RALYL: variants seen among roughly 807,000 people sequenced by gnomAD.
The protein encoded by RALYL is RNA-binding Raly-like protein.
RALYL carries 29 observed loss-of-function variants against 35.1 expected under a neutral mutation model. The ratio of observed to expected loss-of-function variants is 0.83; its 90% CI spans 0.61 to 1.13. The LOEUF (loss-of-function observed/expected upper bound fraction) is 1.13. Among genes scored for constraint, RALYL ranks in the 50% most tolerant of loss-of-function variants. RALYL has a pLI of 0.00. For synonymous variants in RALYL, 120 were observed against 127.6 expected (o/e 0.94, Z 0.40); for missense variants, 359 against 360.4 (o/e 1.00, Z 0.03).
Position 84,446,169 on chromosome 8 carries a change from G to A in RALYL, c.-23-83130G>A, listed in dbSNP as rs372800800. On this transcript the variant is annotated intron_variant, in intron 1 of 8. Coordinates refer to ENST00000521268, the MANE Select transcript of RALYL (RefSeq NM_173848.7). Reference sequence around the variant, plus strand: ...TGTGCTTATATTTCTCAAAATGCATGGTGCTCCTCTCTGTTTTTCTCTGCA... The same window carrying A: ...TGTGCTTATATTTCTCAAAATGCATAGTGCTCCTCTCTGTTTTTCTCTGCA... 8.6e-5 allele frequency among the ~76,000 whole-genome samples: 13 copies of A among 152,012 alleles called. No individual in the cohort carries two copies. The East Asian group carries it at 1.6e-3, about 18-fold the overall frequency.
intron 4 of RALYL, among the ~76,000 whole-genome samples, chr8:84,813,592 A>C (rs765459765): frequency 4.4e-4 from 67 of 152,196 alleles, no homozygotes; most frequent in Admixed American, 2.9e-3. Context: ...TTCTATGTTC[A>C]ATAAAAATGT....
At chr8:84,621,107 G>A (rs951124087) in intron 2 of RALYL, among the ~76,000 whole-genome samples, 2 of 152,196 alleles carry the variant, frequency 1.3e-5, no homozygotes, top group Non-Finnish European at 2.9e-5. Context: ...TTGAGCTGTG[G>A]TGGGCTCCAC....
At chr8:84,331,352 T>C (rs374811557) in intron 1 of RALYL, among the ~76,000 whole-genome samples, 3 of 152,146 alleles carry the variant, frequency 2.0e-5, no homozygotes, top group East Asian at 1.9e-4. Context: ...GCTCATCTTA[T>C]GTTGTACAAT....
intron 2 of RALYL, among the ~76,000 whole-genome samples, chr8:84,691,671 T>C (rs1156539898): frequency 6.6e-6 from 1 of 151,906 alleles, no homozygotes; most frequent in East Asian, 1.9e-4. Flanking sequence ...CTATATCAGA[T>C]GGATTCCTGG....
chr8:84,761,752 T>C (rs1336517150), intron 2 of RALYL, among the ~76,000 whole-genome samples: 1 of 152,170 alleles, frequency 6.6e-6, no homozygotes, highest in Non-Finnish European at 1.5e-5. Flanking sequence ...TCTAGGTTCA[T>C]TGAATATATT....
rs183091482 is a variant in RALYL at position 84,870,186 on chromosome 8, T to C, written c.572-3098T>C. On this transcript the variant is annotated intron_variant, in intron 6 of 8. Coordinates refer to ENST00000521268, the MANE Select transcript of RALYL (RefSeq NM_173848.7). ...TTCTAAATTCAAGCCCTATAATCAC[T>C]CATAGAAAAATAAGTTGTCCTCAAC... 3.0e-3 allele frequency among the ~76,000 whole-genome samples: 454 copies of C among 152,264 alleles called. 3 individuals carry two copies. The highest frequency in any genetic ancestry group is 0.01 in the African/African-American group (431 of 41,558).
At chr8:84,245,700 C>A (rs754486683) in intron 1 of RALYL, among the ~76,000 whole-genome samples, 18 of 152,130 alleles carry the variant, frequency 1.2e-4, no homozygotes, top group Middle Eastern at 3.4e-3. Context: ...AAGTAAACTT[C>A]TAGCCTGGAG....
intron 2 of RALYL, among the ~76,000 whole-genome samples, chr8:84,652,790 C>T (rs1588773267): frequency 6.6e-6 from 1 of 152,116 alleles, no homozygotes; most frequent in Non-Finnish European, 1.5e-5. Context: ...TTGTCTGGGA[C>T]AGTTCTGATT....
intron 1 of RALYL, among the ~76,000 whole-genome samples, chr8:84,432,316 A>T (rs1050877282): frequency 2.6e-5 from 4 of 152,124 alleles, no homozygotes; most frequent in Admixed American, 2.0e-4. Flanking sequence ...TTATATGAGG[A>T]GTCTAAAATA....
chr8:84,463,738 A>G (rs1351732385), intron 1 of RALYL, among the ~76,000 whole-genome samples: 1 of 152,078 alleles, frequency 6.6e-6, no homozygotes, highest in Non-Finnish European at 1.5e-5. Context: ...ATATATGAAA[A>G]TAATTCTAAC....
At chr8:84,202,876 A>C (rs991400977) in intron 1 of RALYL, among the ~76,000 whole-genome samples, 29 of 152,178 alleles carry the variant, frequency 1.9e-4, no homozygotes, top group Admixed American at 1.9e-3. Flanking sequence ...TATTTTCAGT[A>C]CGTACATGTA....
At chr8:84,715,583 T>C (rs1842840463) in intron 2 of RALYL, among the ~76,000 whole-genome samples, 1 of 151,988 alleles carries the variant, frequency 6.6e-6, no homozygotes, top group South Asian at 2.1e-4. Context: ...AAACAAAATA[T>C]CTGCAAATGA....
intron 3 of RALYL, among the ~76,000 whole-genome samples, chr8:84,792,097 A>G (rs2718981): frequency 0.32 from 47,990 of 152,226 alleles, 8,799 homozygotes; most frequent in African/African-American, 0.5. Flanking sequence ...GCCCAAGTGG[A>G]CATGTGTTAC....
At chr8:84,886,586 C>G (rs1227929696) in intron 7 of RALYL, among the ~76,000 whole-genome samples, 13 of 152,136 alleles carry the variant, frequency 8.5e-5, no homozygotes, top group Admixed American at 8.5e-4. Context: ...GTCATGAACA[C>G]ATGGGAATAA....
At chr8:84,499,982 C>G (rs1348984833) in intron 1 of RALYL, among the ~76,000 whole-genome samples, 1 of 152,030 alleles carries the variant, frequency 6.6e-6, no homozygotes, top group Non-Finnish European at 1.5e-5. Flanking sequence ...GTCTTAAACT[C>G]CTGGGCTCAA....
intron 2 of RALYL, among the ~76,000 whole-genome samples, chr8:84,555,759 T>G (rs572596963): frequency 1.3e-4 from 20 of 152,290 alleles, no homozygotes; most frequent in Non-Finnish European, 2.4e-4. Context: ...ATCTCCCAAG[T>G]ATATGATAAT....
chr8:84,896,823 A>G (rs1025233), intron 8 of RALYL, among the ~76,000 whole-genome samples: 69,634 of 152,060 alleles, frequency 0.46, 18,962 homozygotes, highest in African/African-American at 0.75. Flanking sequence ...ATTGGAATGC[A>G]ATACAACCTA....
intron 3 of RALYL, among the ~76,000 whole-genome samples, chr8:84,799,928 C>T (rs1178745545): frequency 6.6e-6 from 1 of 152,112 alleles, no homozygotes; most frequent in Non-Finnish European, 1.5e-5. Flanking sequence ...TGCACTCCAG[C>T]CTGCCTGGGC....
At chr8:84,835,305 G>A (rs1009959495) in intron 4 of RALYL, among the ~76,000 whole-genome samples, 10 of 152,056 alleles carry the variant, frequency 6.6e-5, no homozygotes, top group Admixed American at 1.3e-4. Context: ...AGCACAGAAA[G>A]TGGAATTTAG....
Sources: gnomAD v4.1 joint callset for allele counts (sites outside exome capture counted in the v4.1 genomes callset) on GRCh38, gnomAD v4.1.1 for gene constraint, MANE v1.5 for transcripts, NCBI Gene and HGNC (gene_info 2026-07-23, HGNC 2026-07-21) for gene names.